The following MYO5C variants were observed in gnomAD, a reference collection of about 807,000 sequenced individuals.
MYO5C encodes the protein unconventional myosin-Vc.
MYO5C carries 194 observed loss-of-function variants against 235.7 expected under a neutral mutation model. The observed-to-expected ratio is 0.82, with a 90% confidence interval of 0.73 to 0.93. The LOEUF (loss-of-function observed/expected upper bound fraction) is 0.93, where lower values mean the gene tolerates loss of function less well. Among genes scored for constraint, MYO5C ranks in the 40% least tolerant of loss-of-function variants. The probability of loss-of-function intolerance (pLI) is 0.00; values close to 1 mark genes in which losing one functional copy is unlikely to be tolerated. For missense variants in MYO5C, 2,038 were observed against 2,127.2 expected, an observed-to-expected ratio of 0.96 and a Z score of 0.82; for synonymous variants, 707 against 754.8, an observed-to-expected ratio of 0.94 and a Z score of 1.04.
intron 32 of MYO5C, among the ~76,000 whole-genome samples, chr15:52,216,766 G>C (rs1212479692): frequency 2.6e-5 from 4 of 152,166 alleles, no homozygotes; most frequent in Admixed American, 6.5e-5. Flanking sequence ...GGTCTTTGCA[G>C]CTGTGGTAAG....
In MYO5C at chr15:52,285,168, G is replaced by A. The variant is rs557403316; in HGVS notation, c.28-2276C>T. On this transcript the variant is annotated intron_variant, in intron 1 of 40. Transcript: ENST00000261839. ...GGATCACCTGAGGTCAGGAGTTGGA[G>A]ACCAGCTTGGCCAACATGGTGAAAC... Among the ~76,000 whole-genome samples, 6 of 152,286 alleles carry A rather than the reference G, an allele frequency of 3.9e-5. No homozygotes were observed. In the East Asian group the frequency reaches 1.2e-3, roughly 29 times the overall value.
chr15:52,286,597 G>C (rs1039943419), intron 1 of MYO5C, among the ~76,000 whole-genome samples: 1 of 152,172 alleles, frequency 6.6e-6, no homozygotes, highest in Non-Finnish European at 1.5e-5. Context: ...GCTGTACTAA[G>C]AAAAATTCTT....
intron 13 of MYO5C, among the ~76,000 whole-genome samples, chr15:52,250,248 C>CTTTTTCTTTTT (rs2036442627): frequency 2.4e-5 from 1 of 41,160 alleles, no homozygotes; most frequent in African/African-American, 7.3e-5. Context: ...TTTTCTTTTT[C>CTTTTTCTTTTT]TTTTTTTTTT....
intron 15 of MYO5C, 72 bp downstream of exon 15, chr15:52,247,386 C>T (rs2036373560): frequency 7.1e-6 from 11 of 1,542,892 alleles, no homozygotes; most frequent in African/African-American, 1.4e-5. Flanking sequence ...AATGCGGGTC[C>T]TCTGAGTGCC....
intron 1 of MYO5C, among the ~76,000 whole-genome samples, chr15:52,291,863 T>C (rs970318221): frequency 1.1e-4 from 16 of 148,420 alleles, no homozygotes; most frequent in East Asian, 8.2e-4. Context: ...CTCAGCCTCC[T>C]GAGTAGCTGG....
Position 52,248,695 on chromosome 15 carries a change from C to G in MYO5C, c.1746+5G>C, listed in dbSNP as rs202108654. 3 of 1,611,074 alleles carry G rather than the reference C, an allele frequency of 1.9e-6. No homozygotes were observed. The East Asian group carries it at 6.7e-5, about 36-fold the overall frequency. ...AACTTTAGTTACCCCTAGGACTTTA[C>G]AGACCTTGCTTGCTCTCAGGATTTC... On this transcript the variant is annotated splice_donor_5th_base_variant and intron_variant, in intron 14 of 40. Transcript: ENST00000261839.
intron 1 of MYO5C, among the ~76,000 whole-genome samples, chr15:52,291,685 T>C (rs1187298497): frequency 6.6e-6 from 1 of 151,574 alleles, no homozygotes; most frequent in Non-Finnish European, 1.5e-5. Context: ...GTCCAATCTT[T>C]AGGCAGTGAT....
intron 17 of MYO5C, 131 bp from the exon 18 acceptor site, chr15:52,245,596 T>G (rs1009039561): frequency 1.3e-5 from 9 of 706,232 alleles, no homozygotes; most frequent in Non-Finnish European, 2.1e-5. Context: ...ATAAAGGCAC[T>G]GATCTTTGAT....
intron 34 of MYO5C, among the ~76,000 whole-genome samples, chr15:52,212,970 C>G (rs1421208137): frequency 6.6e-6 from 1 of 152,170 alleles, no homozygotes; most frequent in Non-Finnish European, 1.5e-5. Context: ...CTGCTGCCTT[C>G]TAGTGAGTAG....
At chr15:52,215,188 C>G (rs780269236) in intron 32 of MYO5C, among the ~76,000 whole-genome samples, 7 of 152,174 alleles carry the variant, frequency 4.6e-5, no homozygotes, top group Non-Finnish European at 8.8e-5. Flanking sequence ...GAGTGCCCAT[C>G]ATAGAGAATT....
In MYO5C at chr15:52,235,652, G is replaced by T. The variant is rs759202383; in HGVS notation, c.2962+18C>A. 7 of 1,579,772 alleles carry T rather than the reference G, an allele frequency of 4.4e-6. No individual in the cohort carries two copies. Among genetic ancestry groups the T allele is most frequent in the Non-Finnish European group, 3.5e-6 (4 of 1,155,908 alleles). On this transcript the variant is annotated intron_variant, in intron 23 of 40. Transcript: ENST00000261839. ...ACTAAATCAGTGAATGTCTGGATTTGTGCCCCCCAAGCTTTACCTTTTAAC... is the reference window on the plus strand; with the variant it reads ...ACTAAATCAGTGAATGTCTGGATTTTTGCCCCCCAAGCTTTACCTTTTAAC...
chr15:52,233,374 G>A (rs370938753), intron 23 of MYO5C, among the ~76,000 whole-genome samples: 6 of 152,078 alleles, frequency 3.9e-5, no homozygotes, highest in African/African-American at 1.2e-4. Flanking sequence ...AAGGTTTCTC[G>A]GTCTTGGCAC....
intron 24 of MYO5C, 34 bp downstream of exon 24, chr15:52,232,588 A>C: frequency 6.3e-7 from 1 of 1,598,146 alleles, no homozygotes; most frequent in South Asian, 1.1e-5. Flanking sequence ...GACAGAAGAA[A>C]GAAAGTAGCT....
intron 1 of MYO5C, among the ~76,000 whole-genome samples, chr15:52,284,561 C>A (rs1241929434): frequency 6.6e-6 from 1 of 152,076 alleles, no homozygotes; most frequent in Admixed American, 6.6e-5. Flanking sequence ...AAACCTCAGA[C>A]AATGCAGACT....
chr15:52,239,916 C>T, intron 20 of MYO5C, 37 bp from the exon 21 acceptor site: 2 of 1,580,000 alleles, frequency 1.3e-6, no homozygotes. Flanking sequence ...AAACTGGATC[C>T]CAAGTGCTTC....
At chr15:52,253,231 C>A (rs1264959997) in intron 12 of MYO5C, 86 bp downstream of exon 12, 1 of 1,304,912 alleles carries the variant, frequency 7.7e-7, no homozygotes, top group South Asian at 1.3e-5. Context: ...CAGGACTTCA[C>A]AAGCACACTT....
intron 25 of MYO5C, among the ~76,000 whole-genome samples, chr15:52,228,539 T>G (rs1374091122): frequency 6.6e-6 from 1 of 152,210 alleles, no homozygotes; most frequent in African/African-American, 2.4e-5. Flanking sequence ...TTTCTACCAT[T>G]GAAAATTTAT....
chr15:52,209,944 T>C (rs2035407307), intron 35 of MYO5C, among the ~76,000 whole-genome samples: 1 of 152,146 alleles, frequency 6.6e-6, no homozygotes, highest in African/African-American at 2.4e-5. Flanking sequence ...TCTTTCTTCC[T>C]AGAGTTTATT....
At chr15:52,285,005 T>A (rs1051870627) in intron 1 of MYO5C, among the ~76,000 whole-genome samples, 5 of 152,078 alleles carry the variant, frequency 3.3e-5, no homozygotes, top group African/African-American at 1.2e-4. Context: ...ATGCCTGACC[T>A]GTAAAGTTCT....
Sources: gnomAD v4.1 joint callset for allele counts (sites outside exome capture counted in the v4.1 genomes callset) on GRCh38, gnomAD v4.1.1 for gene constraint, MANE v1.5 for transcripts, NCBI Gene and HGNC (gene_info 2026-07-23, HGNC 2026-07-21) for gene names.